The following NELL1 variants were observed in gnomAD, a reference collection of about 807,000 sequenced individuals.
NELL1 encodes protein kinase C-binding protein NELL1.
Under a neutral mutation model 107.4 loss-of-function variants are expected in NELL1, and 76 were observed. That is an observed-to-expected ratio of 0.71 (90% CI 0.59 to 0.86). The LOEUF is 0.86. NELL1 is among the 40% of genes least tolerant of loss of function. The pLI is 0.00. For synonymous variants in NELL1, 353 were observed against 341.2 expected (o/e 1.03, Z -0.38); for missense variants, 1,024 against 1,005.5 (o/e 1.02, Z -0.25).
At chr11:21,151,272 A>G (rs748396933) in intron 13 of NELL1, among the ~76,000 whole-genome samples, 22 of 152,108 alleles carry the variant, frequency 1.4e-4, no homozygotes, top group Non-Finnish European at 7.4e-5. Flanking sequence ...TATTTTCCCT[A>G]CATCATTTCT....
intron 15 of NELL1, among the ~76,000 whole-genome samples, chr11:21,493,231 G>A (rs539731349): frequency 3.3e-5 from 5 of 152,060 alleles, no homozygotes; most frequent in South Asian, 2.1e-4. Flanking sequence ...AGCCCACTAC[G>A]GGGTATTTAT....
chr11:21,230,679 T>C (rs1858024457), intron 14 of NELL1, among the ~76,000 whole-genome samples: 1 of 152,204 alleles, frequency 6.6e-6, no homozygotes. Flanking sequence ...AAAAATAATT[T>C]ACAACGACTA....
chr11:21,558,869 T>A (rs1206050162), intron 16 of NELL1, among the ~76,000 whole-genome samples: 4 of 151,920 alleles, frequency 2.6e-5, no homozygotes. Context: ...ATTGAAGAGA[T>A]AAGAGAGGCT....
intron 5 of NELL1, among the ~76,000 whole-genome samples, chr11:20,907,605 G>A (rs775576873): frequency 1.3e-5 from 2 of 152,084 alleles, no homozygotes; most frequent in South Asian, 2.1e-4. Context: ...TGTTGGTGAG[G>A]TTGTGGAAAA....
At chr11:21,001,323 G>A (rs552650695) in intron 12 of NELL1, among the ~76,000 whole-genome samples, 1 of 152,304 alleles carries the variant, frequency 6.6e-6, no homozygotes, top group African/African-American at 2.4e-5. Context: ...CATTGGAAAG[G>A]GGAGAGGTGG....
At chr11:21,502,242 T>C (rs1175347630) in intron 15 of NELL1, among the ~76,000 whole-genome samples, 5 of 152,162 alleles carry the variant, frequency 3.3e-5, no homozygotes, top group Non-Finnish European at 7.3e-5. Flanking sequence ...TAAATAGTCT[T>C]GATTGAGAGA....
chr11:21,040,834 G>A (rs1009567727), intron 12 of NELL1, among the ~76,000 whole-genome samples: 4 of 152,098 alleles, frequency 2.6e-5, no homozygotes, highest in Non-Finnish European at 5.9e-5. Flanking sequence ...CATCCTGTTT[G>A]TAGCATGAAT....
chr11:21,145,166 A>G (rs1274966329), intron 13 of NELL1, among the ~76,000 whole-genome samples: 1 of 152,180 alleles, frequency 6.6e-6, no homozygotes, highest in Non-Finnish European at 1.5e-5. Context: ...TGCCAAGCAC[A>G]CAAGGCAGTG....
At chr11:21,260,429 A>G in intron 14 of NELL1, 1 of 151,914 alleles carries the variant, frequency 6.6e-6, no homozygotes, top group East Asian at 1.9e-4. Flanking sequence ...TGTGACTGGC[A>G]AACATGGCTC....
chr11:21,105,482 C>G (rs756609857), intron 12 of NELL1, among the ~76,000 whole-genome samples: 2 of 152,122 alleles, frequency 1.3e-5, no homozygotes, highest in Non-Finnish European at 2.9e-5. Flanking sequence ...TGCCATGTTG[C>G]CTGCTCCCTA....
At chr11:21,075,647 G>A (rs1227663784) in intron 12 of NELL1, among the ~76,000 whole-genome samples, 1 of 152,086 alleles carries the variant, frequency 6.6e-6, no homozygotes, top group Non-Finnish European at 1.5e-5. Flanking sequence ...GTTCCATTAT[G>A]TTTGCTTAGG....
chr11:20,912,679 C>T (rs1305314713), intron 5 of NELL1, among the ~76,000 whole-genome samples: 2 of 152,050 alleles, frequency 1.3e-5, no homozygotes, highest in Non-Finnish European at 2.9e-5. Flanking sequence ...AAACCTTTCC[C>T]TTACCTGGAC....
chr11:21,459,135 AC>A (rs1488366729), intron 15 of NELL1, among the ~76,000 whole-genome samples: 3 of 151,978 alleles, frequency 2.0e-5, no homozygotes, highest in African/African-American at 2.4e-5. Context: ...GGAAGGAGGG[AC>A]TTAAAATGTA....
chr11:20,964,666 T>G (rs1328415677), intron 12 of NELL1, among the ~76,000 whole-genome samples: 1 of 152,204 alleles, frequency 6.6e-6, no homozygotes, highest in African/African-American at 2.4e-5. Context: ...CTACCCACAC[T>G]GTTCCAATAC....
At chr11:20,795,430 G>A (rs996676435) in intron 3 of NELL1, among the ~76,000 whole-genome samples, 8 of 152,182 alleles carry the variant, frequency 5.3e-5, no homozygotes, top group African/African-American at 1.7e-4. Context: ...GCAATAGAGT[G>A]CATTAGCAGA....
chr11:21,461,368 C>T (rs908202530), intron 15 of NELL1, among the ~76,000 whole-genome samples: 5 of 151,992 alleles, frequency 3.3e-5, no homozygotes, highest in Non-Finnish European at 7.4e-5. Flanking sequence ...CTGAGCAGTT[C>T]GATATTAAGA....
At position 21,386,709 on chromosome 11, in the gene NELL1, G is replaced by C. The variant is rs1259669810; in HGVS notation, c.1645+15761G>C. ...AAGGCTGACATTTTTCCAGATGCTT[G>C]GTCTCCAGCTATGTGGAAATACTGC... On this transcript the variant is annotated intron_variant, in intron 15 of 19. Coordinates refer to ENST00000357134, the MANE Select transcript of NELL1 (RefSeq NM_006157.5). Among the ~76,000 whole-genome samples the C allele has an allele frequency of 2.6e-5, 4 of 151,942 alleles. No individual in the cohort carries two copies. The East Asian group carries it at 7.8e-4, about 30-fold the overall frequency.
At chr11:21,471,780 T>C (rs1854190347) in intron 15 of NELL1, among the ~76,000 whole-genome samples, 1 of 152,036 alleles carries the variant, frequency 6.6e-6, no homozygotes, top group Admixed American at 6.6e-5. Context: ...GTTCATGCTC[T>C]TTATCAATTC....
At chr11:20,761,114 G>A (rs1336307707) in intron 2 of NELL1, among the ~76,000 whole-genome samples, 1 of 152,238 alleles carries the variant, frequency 6.6e-6, no homozygotes, top group Non-Finnish European at 1.5e-5. Flanking sequence ...GAGGTTGTGA[G>A]GTGGTGGAGG....
Sources: allele counts gnomAD v4.1 joint callset (sites outside exome capture counted in the v4.1 genomes callset), GRCh38; gene constraint gnomAD v4.1.1; transcripts MANE v1.5; gene names NCBI Gene and HGNC (gene_info 2026-07-23, HGNC 2026-07-21).